The following NBEAL1 variants were observed in gnomAD, a reference collection of about 807,000 sequenced individuals.
NBEAL1 encodes neurobeachin-like protein 1.
NBEAL1 carries 273 observed loss-of-function variants against 351.3 expected under a neutral mutation model. That is an observed-to-expected ratio of 0.78 (90% CI 0.70 to 0.86). NBEAL1 has a LOEUF of 0.86. NBEAL1 is among the 40% of genes least tolerant of loss of function. The pLI is 0.00. For synonymous variants in NBEAL1, 1,050 were observed against 1,086.4 expected, an observed-to-expected ratio of 0.97 and a Z score of 0.66; for missense variants, 2,961 against 3,201.3, an observed-to-expected ratio of 0.92 and a Z score of 1.81.
intron 54 of NBEAL1, among the ~76,000 whole-genome samples, chr2:203,213,019 T>A (rs2065829105): frequency 6.6e-6 from 1 of 152,162 alleles, no homozygotes; most frequent in Non-Finnish European, 1.5e-5. Flanking sequence ...ACACTAAGGA[T>A]AAAAATCTAG....
chr2:203,181,878 T>C (rs983009216), intron 43 of NBEAL1: 3 of 152,104 alleles, frequency 2.0e-5, no homozygotes, highest in African/African-American at 7.2e-5. Flanking sequence ...TAAAGCAGAG[T>C]ATCTAGAATA....
At chr2:203,148,867 T>C in intron 33 of NBEAL1, 124 bp from the exon 34 acceptor site, 1 of 695,864 alleles carries the variant, frequency 1.4e-6, no homozygotes, top group Admixed American at 3.6e-5. Context: ...AGCCTATTGG[T>C]TACTTAGCTT....
intron 7 of NBEAL1, among the ~76,000 whole-genome samples, chr2:203,073,370 T>G (rs536695012): frequency 6.6e-6 from 1 of 152,354 alleles, no homozygotes; most frequent in East Asian, 1.9e-4. Flanking sequence ...TCATAGTATT[T>G]CTTCATGTAT....
rs2063203269 is a variant in NBEAL1, at chr2:203,136,202, A to T, written c.4339A>T (p.Thr1447Ser). ...GCACTCTGACAGAGAAAGCAGCATC[A>T]CAAATGATATGGGCTTTAGTGATGA... ...SVHSDRESSI[T>S]NDMGFSDDFS... Residue 1447 changes from threonine to serine, a missense_variant, in exon 28 of 56, where the codon ACA (threonine) becomes TCA (serine). By Grantham distance (58) the Thr-to-Ser change is moderately conservative (BLOSUM62 1). Transcript: ENST00000683969. The T allele has an allele frequency of 6.2e-7, 1 of 1,610,300 alleles. No homozygotes were observed. Among genetic ancestry groups the T allele is most frequent in the South Asian group, 1.1e-5 (1 of 89,970 alleles).
intron 46 of NBEAL1, chr2:203,191,319 G>GAAAAAAAAA (rs200659518): frequency 2.3e-5 from 9 of 392,244 alleles, no homozygotes; most frequent in East Asian, 3.8e-5. Context: ...TTTGACAACT[G>GAAAAAAAAA]AAAAAAAAAA....
intron 42 of NBEAL1, among the ~76,000 whole-genome samples, chr2:203,177,893 C>A (rs1258404324): frequency 6.6e-6 from 1 of 151,904 alleles, no homozygotes; most frequent in African/African-American, 2.4e-5. Context: ...GTCGTGGGTG[C>A]CTGTAATCCT....
At chr2:203,044,135 A>T (rs1459325208) in intron 3 of NBEAL1, among the ~76,000 whole-genome samples, 2 of 152,216 alleles carry the variant, frequency 1.3e-5, no homozygotes, top group Non-Finnish European at 2.9e-5. Flanking sequence ...CTTTGGACCA[A>T]GATACTGAAC....
In NBEAL1 at chr2:203,138,735, G is replaced by T; in HGVS notation, c.4835G>T (p.Arg1612Met). 1.2e-6 allele frequency: 2 copies of T among 1,611,140 alleles called. No homozygotes were observed. Among genetic ancestry groups the T allele is most frequent in the Non-Finnish European group, 8.5e-7 (1 of 1,179,144 alleles). ...CAGTTGCTTCTAGGATTCATTGGAA[G>T]GGGTAATTTGCAGGTTTGTCCATTC... ...QIQLLLGFIG[R>M]GNLQVCAMAS... Residue 1612 changes from arginine to methionine, a missense_variant, in exon 31 of 56, where the codon AGG (arginine) becomes ATG (methionine). By Grantham distance (91) the Arg-to-Met change is moderately conservative. Coordinates refer to ENST00000683969, the MANE Select transcript of NBEAL1 (RefSeq NM_001378026.1).
chr2:203,107,558 T>C (rs1051582989), intron 13 of NBEAL1, 40 bp downstream of exon 13: 4 of 1,538,772 alleles, frequency 2.6e-6, no homozygotes, highest in South Asian at 2.4e-5. Context: ...TCTGTTAATA[T>C]CCATTTTGAA....
chr2:203,126,527 T>G, intron 21 of NBEAL1, 30 bp from the exon 22 acceptor site: 1 of 1,400,012 alleles, frequency 7.1e-7, no homozygotes, highest in Non-Finnish European at 9.3e-7. Context: ...TAAACTGAAC[T>G]ATATGAAACC....
At chr2:203,186,350 G>GT (rs2064896624) in intron 44 of NBEAL1, among the ~76,000 whole-genome samples, 1 of 152,224 alleles carries the variant, frequency 6.6e-6, no homozygotes, top group Non-Finnish European at 1.5e-5. Context: ...AAAGAGAGAA[G>GT]TTATTTGCCC....
intron 55 of NBEAL1, 81 bp from the exon 56 acceptor site, chr2:203,217,172 T>A: frequency 9.4e-7 from 1 of 1,059,594 alleles, no homozygotes; most frequent in Non-Finnish European, 1.3e-6. Context: ...CTTTTCACTC[T>A]GCAAAATCAG....
chr2:203,136,565 C>G (rs750006317), intron 28 of NBEAL1, 34 bp from the exon 29 acceptor site: 160 of 1,459,270 alleles, frequency 1.1e-4, no homozygotes, highest in Non-Finnish European at 1.5e-4. Flanking sequence ...ACTACACCCT[C>G]TAGTTATTTA....
intron 37 of NBEAL1, 116 bp downstream of exon 37, chr2:203,166,413 G>A: frequency 2.0e-6 from 2 of 991,336 alleles, no homozygotes; most frequent in Non-Finnish European, 1.5e-6. Context: ...AGGGAGAAAT[G>A]GAAAGTCAGT....
chr2:203,184,074 TAAAAAAAAAAAAA>T (rs1170251389), intron 44 of NBEAL1, among the ~76,000 whole-genome samples: 1 of 87,986 alleles, frequency 1.1e-5, no homozygotes, highest in Non-Finnish European at 2.1e-5. Context: ...CGAGACTGTC[TAAAAAAAAAAAAA>T]AAAAAAAAAA....
chr2:203,134,832 T>C (rs531486185), intron 27 of NBEAL1, among the ~76,000 whole-genome samples: 1 of 152,328 alleles, frequency 6.6e-6, no homozygotes, highest in African/African-American at 2.4e-5. Flanking sequence ...TCTGTTTGTA[T>C]AATATAGACT....
rs2061717653 is a variant in NBEAL1 at position 203,073,630 on chromosome 2, CAACATAG to C, written c.599-4121_599-4115del. Among the ~76,000 whole-genome samples the C allele has an allele frequency of 3.3e-5, 5 of 152,254 alleles. 1 individual carries two copies. The South Asian group carries it at 1.0e-3, about 32-fold the overall frequency. On this transcript the variant is annotated intron_variant, in intron 7 of 55. Transcript: ENST00000683969. ...AATAGCCACTGCATTCCAGCCTGGGCAACATAGTGAGACCCTGTCTCTTAAAAAATTA... is the reference window on the plus strand; with the variant it reads ...AATAGCCACTGCATTCCAGCCTGGGCTGAGACCCTGTCTCTTAAAAAATTA...
At chr2:203,185,542 T>C (rs1295651708) in intron 44 of NBEAL1, among the ~76,000 whole-genome samples, 1 of 152,036 alleles carries the variant, frequency 6.6e-6, no homozygotes, top group Non-Finnish European at 1.5e-5. Context: ...AAAAAGAAAG[T>C]ATAGCCATTT....
intron 35 of NBEAL1, 116 bp downstream of exon 35, chr2:203,151,705 T>A (rs1163391041): frequency 3.1e-6 from 3 of 958,488 alleles, no homozygotes; most frequent in Non-Finnish European, 4.3e-6. Context: ...GGTGGCATTT[T>A]ATAATTGATA....
Sources: allele counts gnomAD v4.1 joint callset (sites outside exome capture counted in the v4.1 genomes callset), GRCh38; gene constraint gnomAD v4.1.1; transcripts MANE v1.5; gene names NCBI Gene and HGNC (gene_info 2026-07-23, HGNC 2026-07-21).